RFTN1: variants seen among roughly 807,000 people sequenced by gnomAD.
RFTN1 encodes raftlin, lipid raft linker 1, also known as raftlin.
In RFTN1, 26 loss-of-function variants were observed where a neutral mutation model predicts 46.5. That is an observed-to-expected ratio of 0.56 (90% confidence interval 0.41 to 0.78). The LOEUF is 0.78. Among genes scored for constraint, RFTN1 ranks in the 30% least tolerant of loss-of-function variants. RFTN1 has a pLI of 0.00. For missense variants in RFTN1, 693 were observed against 718.7 expected (o/e 0.96, Z 0.41); for synonymous variants, 261 against 284.2 (o/e 0.92, Z 0.82).
chr3:16,334,141 G>A lies in RFTN1; in HGVS notation c.1147-7265C>T, dbSNP rs2070620086. On this transcript the variant is annotated intron_variant, in intron 7 of 9. Coordinates refer to ENST00000334133, the MANE Select transcript of RFTN1 (RefSeq NM_015150.2). The surrounding 1 kb of genome is among the most constrained non-coding windows in gnomAD (Gnocchi z 4.3). ...GATCGTGCCACTGCACTCCAGCCTG[G>A]GCGACAGAGCAAGACTCTGTCTCAA... Among the ~76,000 whole-genome samples, 1 of 152,118 alleles carries A rather than the reference G, an allele frequency of 6.6e-6. No homozygotes were observed. Among genetic ancestry groups the A allele is most frequent in the Non-Finnish European group, 1.5e-5 (1 of 68,012 alleles).
chr3:16,345,266 G>T lies in RFTN1; in HGVS notation c.1146+12666C>A, dbSNP rs1342284857. The T allele has an allele frequency of 8.5e-5, 2 of 23,424 alleles. No homozygotes were observed. Among genetic ancestry groups the T allele is most frequent in the East Asian group, 4.0e-3 (1 of 252 alleles). 1.5% of individuals were successfully genotyped at this position (23,424 alleles called of 1,614,324 possible). A position where few individuals can be genotyped will look rare whatever the true frequency, so the allele number is the denominator to read the frequency against. On this transcript the variant is annotated intron_variant, in intron 7 of 9. Transcript: ENST00000334133. This position sits in a 1 kb window ranked among gnomAD's most constrained non-coding sequence, Gnocchi z 5.2. Reference sequence around the variant, plus strand: ...ACTGTAAGATAATAAGTAGGTGGTTGTGTGTGTGTGTGTGTGTGTGTGTGT... The same window carrying T: ...ACTGTAAGATAATAAGTAGGTGGTTTTGTGTGTGTGTGTGTGTGTGTGTGT...
At chr3:16,379,084 A>G (rs2073891372) in intron 4 of RFTN1, among the ~76,000 whole-genome samples, 1 of 152,258 alleles carries the variant, frequency 6.6e-6, no homozygotes, top group African/African-American at 2.4e-5. Context: ...TGCAGACCTC[A>G]GAGCTGTCTA....
Position 16,327,492 on chromosome 3 carries a change from G to A in RFTN1, c.1147-616C>T, listed in dbSNP as rs1458801759. Among the ~76,000 whole-genome samples the A allele has an allele frequency of 1.3e-5, 2 of 151,982 alleles. No homozygotes were observed. Among genetic ancestry groups the A allele is most frequent in the Non-Finnish European group, 2.9e-5 (2 of 67,962 alleles). On this transcript the variant is annotated intron_variant, in intron 7 of 9. Coordinates refer to ENST00000334133, the MANE Select transcript of RFTN1 (RefSeq NM_015150.2). The surrounding 1 kb of genome is among the most constrained non-coding windows in gnomAD (Gnocchi z 4.2). Reference sequence around the variant, plus strand: ...AACTCAGCCCCGGCCGGGTGCTGTGGCTCACGTCTGTAATCCCAGCACTTT... The same window carrying A: ...AACTCAGCCCCGGCCGGGTGCTGTGACTCACGTCTGTAATCCCAGCACTTT...
chr3:16,428,475 A>G lies in RFTN1; in HGVS notation c.332+5376T>C, dbSNP rs2075325999. Among the ~76,000 whole-genome samples, 1 of 152,240 alleles carries G rather than the reference A, an allele frequency of 6.6e-6. No individual in the cohort carries two copies. The highest frequency in any genetic ancestry group is 6.5e-5 in the Admixed American group (1 of 15,288). ...TTTTCAAGGGTAACTTTGATTGTACACATTTTCCACCTTCCACAAGAATTT... is the reference window on the plus strand; with the variant it reads ...TTTTCAAGGGTAACTTTGATTGTACGCATTTTCCACCTTCCACAAGAATTT... On this transcript the variant is annotated intron_variant, in intron 3 of 9. Transcript: ENST00000334133. This position sits in a 1 kb window ranked among gnomAD's most constrained non-coding sequence, Gnocchi z 4.7.
In RFTN1 at chr3:16,322,228, G is replaced by T. The variant is rs907081148; in HGVS notation, c.1332+1148C>A. Among the ~76,000 whole-genome samples the T allele has an allele frequency of 6.6e-6, 1 of 152,172 alleles. No individual in the cohort carries two copies. Among genetic ancestry groups the T allele is most frequent in the Non-Finnish European group, 1.5e-5 (1 of 68,030 alleles). Reference sequence around the variant, plus strand: ...CTTCTGGTCCATTGTGCCGTCACCTGTCACATTACACCTTCAGAGCCTGGA... The same window carrying T: ...CTTCTGGTCCATTGTGCCGTCACCTTTCACATTACACCTTCAGAGCCTGGA... On this transcript the variant is annotated intron_variant, in intron 9 of 9. Coordinates refer to ENST00000334133, the MANE Select transcript of RFTN1 (RefSeq NM_015150.2). The surrounding 1 kb of genome is among the most constrained non-coding windows in gnomAD (Gnocchi z 6.2).
intron 5 of RFTN1, among the ~76,000 whole-genome samples, chr3:16,373,008 T>G (rs559288937): frequency 5.3e-4 from 81 of 152,336 alleles, no homozygotes; most frequent in African/African-American, 1.9e-3. Flanking sequence ...CCAAGAGAAC[T>G]GTCCAAAAGT....
intron 4 of RFTN1, among the ~76,000 whole-genome samples, chr3:16,388,961 G>C (rs568105802): frequency 2.0e-4 from 30 of 152,342 alleles, no homozygotes; most frequent in African/African-American, 6.5e-4. Flanking sequence ...ACCAGCTTTA[G>C]AGTCTTCATT....
Position 16,451,324 on chromosome 3 carries a change from TC to T in RFTN1, c.146-17288del, listed in dbSNP as rs1256704219. The stretch of plus-strand genomic sequence containing the variant: ...ACGTCAGATCCCCCAAAGCCTTCAT[TC>T]CTTCCAGGACACATGGTAGATGCCC... On this transcript the variant is annotated intron_variant, in intron 2 of 9. Transcript: ENST00000334133. The surrounding 1 kb of genome is among the most constrained non-coding windows in gnomAD (Gnocchi z 4.2). 6.6e-6 allele frequency among the ~76,000 whole-genome samples: 1 copy of T among 152,146 alleles called. No homozygotes were observed. The highest frequency in any genetic ancestry group is 1.5e-5 in the Non-Finnish European group (1 of 68,016).
intron 4 of RFTN1, among the ~76,000 whole-genome samples, chr3:16,379,262 GA>G (rs2073897856): frequency 6.6e-6 from 1 of 152,338 alleles, no homozygotes; most frequent in Middle Eastern, 3.4e-3. Context: ...ACATTAAATG[GA>G]AAGTCATTTT....
chr3:16,453,292 A>C (rs2124911118), intron 2 of RFTN1, among the ~76,000 whole-genome samples: 1 of 152,338 alleles, frequency 6.6e-6, no homozygotes, highest in African/African-American at 2.4e-5. Context: ...ATAGATCATA[A>C]AATGATGTCC....
At chr3:16,505,439 G>A (rs991460300) in intron 1 of RFTN1, among the ~76,000 whole-genome samples, 7 of 151,718 alleles carry the variant, frequency 4.6e-5, no homozygotes, top group African/African-American at 1.5e-4. Context: ...CCAGTCAGAT[G>A]TGTGTGTGTG....
rs2124970198 is a variant in RFTN1 at position 16,481,642 on chromosome 3, C to A, written c.145+12083G>T. 6.6e-6 allele frequency among the ~76,000 whole-genome samples: 1 copy of A among 152,308 alleles called. No homozygotes were observed. The highest frequency in any genetic ancestry group is 1.5e-5 in the Non-Finnish European group (1 of 68,030). ...TTAAATAAATAGACACACACACACT[C>A]TCCATAAAAACTCTGCTACACAATT... is the stretch of plus-strand genomic sequence containing the variant. On this transcript the variant is annotated intron_variant, in intron 2 of 9. Coordinates refer to ENST00000334133, the MANE Select transcript of RFTN1 (RefSeq NM_015150.2). The surrounding 1 kb of genome is among the most constrained non-coding windows in gnomAD (Gnocchi z 5.1).
chr3:16,444,370 T>C (rs925208125), intron 2 of RFTN1, among the ~76,000 whole-genome samples: 4 of 152,240 alleles, frequency 2.6e-5, no homozygotes, highest in Admixed American at 2.6e-4. Flanking sequence ...GATTTTCTAT[T>C]ATAAAATCTT....
At chr3:16,462,203 C>T (rs1454478477) in intron 2 of RFTN1, among the ~76,000 whole-genome samples, 1 of 152,172 alleles carries the variant, frequency 6.6e-6, no homozygotes, top group East Asian at 1.9e-4. Context: ...AATAAGGGAA[C>T]CTGATTTATA....
chr3:16,366,116 G>A (rs1021550057), intron 6 of RFTN1, among the ~76,000 whole-genome samples: 6 of 152,148 alleles, frequency 3.9e-5, no homozygotes, highest in South Asian at 2.1e-4. Context: ...AGTTGGAGGC[G>A]GGGGACAGGA....
Position 16,328,439 on chromosome 3 carries a change from G to A in RFTN1, c.1147-1563C>T, listed in dbSNP as rs1367064565. ...TGGGCGAGTGGGATGGAAGGCAGAG[G>A]AGGAACAACCTACCTGCCCTGTCTC... On this transcript the variant is annotated intron_variant, in intron 7 of 9. Coordinates refer to ENST00000334133, the MANE Select transcript of RFTN1 (RefSeq NM_015150.2). Among the ~76,000 whole-genome samples the A allele has an allele frequency of 2.6e-5, 4 of 152,234 alleles. No homozygotes were observed. The South Asian group carries it at 8.3e-4, about 32-fold the overall frequency.
chr3:16,427,512 C>A lies in RFTN1; in HGVS notation c.332+6339G>T, dbSNP rs1374205357. 1.3e-5 allele frequency among the ~76,000 whole-genome samples: 2 copies of A among 152,218 alleles called. No individual in the cohort carries two copies. The highest frequency in any genetic ancestry group is 4.8e-5 in the African/African-American group (2 of 41,436). On this transcript the variant is annotated intron_variant, in intron 3 of 9. Coordinates refer to ENST00000334133, the MANE Select transcript of RFTN1 (RefSeq NM_015150.2). The surrounding 1 kb of genome is among the most constrained non-coding windows in gnomAD (Gnocchi z 5.4). ...GGTGGACAAGGCTGACTCATTCAGT[C>A]ATCTGTGTTGCTCGTAAGCACTTGG...
rs2125257735 is a variant in RFTN1, at chr3:16,334,070, C to G, written c.1147-7194G>C. Among the ~76,000 whole-genome samples, 1 of 152,296 alleles carries G rather than the reference C, an allele frequency of 6.6e-6. No homozygotes were observed. The highest frequency in any genetic ancestry group is 2.1e-4 in the South Asian group (1 of 4,828). ...GTCCCAGCTACTTGGGAGGCTGAGGCAGGAGAATGGCTTGAACCTAGGAGG... is the reference window on the plus strand; with the variant it reads ...GTCCCAGCTACTTGGGAGGCTGAGGGAGGAGAATGGCTTGAACCTAGGAGG... On this transcript the variant is annotated intron_variant, in intron 7 of 9. Coordinates refer to ENST00000334133, the MANE Select transcript of RFTN1 (RefSeq NM_015150.2). This position sits in a 1 kb window ranked among gnomAD's most constrained non-coding sequence, Gnocchi z 4.3.
chr3:16,354,962 C>A (rs1479426597), intron 7 of RFTN1, among the ~76,000 whole-genome samples: 4 of 152,202 alleles, frequency 2.6e-5, no homozygotes, highest in African/African-American at 9.7e-5. Flanking sequence ...TAAGGATGGC[C>A]TTTCCTCCAG....
Sources: allele counts gnomAD v4.1 joint callset (sites outside exome capture counted in the v4.1 genomes callset), GRCh38; gene constraint gnomAD v4.1.1; non-coding constraint Gnocchi (gnomAD v3.1); transcripts MANE v1.5; gene names NCBI Gene and HGNC (gene_info 2026-07-23, HGNC 2026-07-21).